MID1: variants seen among roughly 807,000 people sequenced by gnomAD.
MID1 encodes midline 1.
MID1 carries 7 observed loss-of-function variants against 40.4 expected under a neutral mutation model. The observed-to-expected ratio is 0.17, with a 90% CI of 0.10 to 0.33. The LOEUF is 0.33. Among genes scored for constraint, MID1 ranks in the 10% least tolerant of loss-of-function variants. The pLI is 1.00. For missense variants in MID1, 367 were observed against 558.5 expected (o/e 0.66, Z 3.46); for synonymous variants, 229 against 221.2 (o/e 1.04, Z -0.31).
At chrX:10,689,678 C>T (rs757305706) in intron 1 of MID1, among the ~76,000 whole-genome samples, 3 of 109,384 alleles carry the variant, frequency 2.7e-5, no homozygotes, top group Non-Finnish European at 3.8e-5. Flanking sequence ...GTGATATCAC[C>T]GTGTTTCAAA....
chrX:10,674,017 C>A (rs1022542668), intron 1 of MID1, among the ~76,000 whole-genome samples: 1 of 111,514 alleles, frequency 9.0e-6, no homozygotes, highest in Non-Finnish European at 1.9e-5. Context: ...TAACAAAAGT[C>A]ATCTAACAGA....
chrX:10,601,906 T>TG (rs1197163564), intron 1 of MID1, among the ~76,000 whole-genome samples: 18 of 107,016 alleles, frequency 1.7e-4, no homozygotes, highest in African/African-American at 5.6e-4. Flanking sequence ...TTTTTGTTTT[T>TG]TTTTTTTTGA....
intron 7 of MID1, among the ~76,000 whole-genome samples, chrX:10,467,974 C>A (rs1467758372): frequency 1.8e-5 from 2 of 111,502 alleles, no homozygotes; most frequent in African/African-American, 3.3e-5. Flanking sequence ...TCCGGTACAG[C>A]CTTAACTTGC....
intron 1 of MID1, among the ~76,000 whole-genome samples, chrX:10,800,649 G>T (rs1168554714): frequency 9.0e-6 from 1 of 111,561 alleles, no homozygotes; most frequent in Non-Finnish European, 1.9e-5. Context: ...TGAGGTGACA[G>T]ATACCTCAAC....
intron 1 of MID1, among the ~76,000 whole-genome samples, chrX:10,579,736 T>C (rs1934960162): frequency 9.1e-6 from 1 of 110,010 alleles, no homozygotes; most frequent in African/African-American, 3.3e-5. Context: ...CTATTACGAA[T>C]AACATGCTTT....
intron 9 of MID1, among the ~76,000 whole-genome samples, chrX:10,453,900 C>A (rs1031623362): frequency 8.9e-6 from 1 of 111,929 alleles, no homozygotes; most frequent in Non-Finnish European, 1.9e-5. Context: ...AATATTAGCA[C>A]CTACCTTTGT....
At chrX:10,783,511 T>C (rs2043860065) in intron 1 of MID1, among the ~76,000 whole-genome samples, 1 of 111,642 alleles carries the variant, frequency 9.0e-6, no homozygotes, top group Non-Finnish European at 1.9e-5. Flanking sequence ...GTTGGCTTAA[T>C]TGTCCTTCTA....
chrX:10,820,184 C>T (rs1285951870), intron 1 of MID1, among the ~76,000 whole-genome samples: 2 of 112,251 alleles, frequency 1.8e-5, no homozygotes, highest in Admixed American at 1.9e-4. Context: ...CATGCACAGC[C>T]TGGAGGGCAA....
At chrX:10,656,619 C>T (rs2042874732) in intron 1 of MID1, among the ~76,000 whole-genome samples, 1 of 111,670 alleles carries the variant, frequency 9.0e-6, no homozygotes, top group South Asian at 3.8e-4. Context: ...TATTCTGTTT[C>T]GTTAGATTGA....
At chrX:10,577,232 C>A (rs1015562438) in intron 1 of MID1, among the ~76,000 whole-genome samples, 2 of 111,923 alleles carry the variant, frequency 1.8e-5, no homozygotes, top group Non-Finnish European at 3.8e-5. Context: ...TGGCAGAAGG[C>A]TGAATGCTAG....
At chrX:10,460,044 T>G in intron 7 of MID1, 2 of 429,333 alleles carry the variant, frequency 4.7e-6, no homozygotes, top group Non-Finnish European at 8.2e-6. Context: ...AGGTGCTCCT[T>G]CTAAAGAGGT....
chrX:10,459,688 C>T lies in MID1; in HGVS notation c.1405G>A (p.Ala469Thr), dbSNP rs1254680142. Reference protein sequence around the residue: ...YIFMVKAINQAGSRSSEPGKL... With the variant: ...YIFMVKAINQTGSRSSEPGKL... The stretch of plus-strand genomic sequence containing the variant: ...CCAGGCTCACTGCTGCGGCTGCCCG[C>T]CTGGTTGATGGCCTTGACCATGAAG... Residue 469 changes from alanine to threonine, a missense_variant, in exon 8 of 10, where the codon GCG (alanine) becomes ACG (threonine). Ala to Thr is a moderately conservative substitution (Grantham distance 58). Transcript: ENST00000317552. 8.3e-7 allele frequency: 1 copy of T among 1,210,189 alleles called. No individual in the cohort carries two copies. The highest frequency in any genetic ancestry group is 1.7e-5 in the African/African-American group (1 of 57,248).
intron 1 of MID1, among the ~76,000 whole-genome samples, chrX:10,799,011 ATAGAG>A (rs1191289337): frequency 3.6e-5 from 4 of 111,417 alleles, no homozygotes; most frequent in African/African-American, 1.3e-4. Context: ...ATTTTTATGT[ATAGAG>A]TAAATTCTTA....
intron 2 of MID1, among the ~76,000 whole-genome samples, chrX:10,547,770 T>G (rs757555060): frequency 9.0e-6 from 1 of 111,349 alleles, no homozygotes; most frequent in South Asian, 3.9e-4. Flanking sequence ...AAATAAGCCA[T>G]GAAAAGCAGT....
intron 1 of MID1, among the ~76,000 whole-genome samples, chrX:10,694,337 T>G (rs1271493797): frequency 8.9e-6 from 1 of 112,417 alleles, no homozygotes; most frequent in Non-Finnish European, 1.9e-5. Context: ...TTTTCTCCAC[T>G]CTTTATTTCC....
At chrX:10,791,540 A>G (rs1273188956) in intron 1 of MID1, among the ~76,000 whole-genome samples, 1 of 112,210 alleles carries the variant, frequency 8.9e-6, no homozygotes, top group Non-Finnish European at 1.9e-5. Context: ...CTCAGCCCAG[A>G]TAAAAGGGGG....
chrX:10,606,757 GT>G (rs112667736), intron 1 of MID1, among the ~76,000 whole-genome samples: 18,097 of 110,767 alleles, frequency 0.16, 2,537 homozygotes, highest in African/African-American at 0.46. Context: ...GTTTTGTTTT[GT>G]TTTTTGAGAC....
intron 1 of MID1, among the ~76,000 whole-genome samples, chrX:10,709,261 G>A: frequency 8.9e-6 from 1 of 112,257 alleles, no homozygotes; most frequent in Non-Finnish European, 1.9e-5. Context: ...TTAAGTGATT[G>A]GGCCAATTTG....
At chrX:10,526,089 T>C (rs1195728922) in intron 2 of MID1, among the ~76,000 whole-genome samples, 2 of 112,450 alleles carry the variant, frequency 1.8e-5, no homozygotes, top group Admixed American at 9.5e-5. Context: ...GCACATTTCA[T>C]CTGGACTGGA....
Sources: gnomAD v4.1 joint callset for allele counts (sites outside exome capture counted in the v4.1 genomes callset) on GRCh38, gnomAD v4.1.1 for gene constraint, MANE v1.5 for transcripts, NCBI Gene and HGNC (gene_info 2026-07-23, HGNC 2026-07-21) for gene names.